SLC41A2: variants seen among roughly 807,000 people sequenced by gnomAD.
SLC41A2 encodes solute carrier family 41 member 2.
Under a neutral mutation model 58.3 loss-of-function variants are expected in SLC41A2, and 32 were observed. The ratio of observed to expected loss-of-function variants is 0.55; its 90% CI spans 0.41 to 0.74. The LOEUF is 0.74. Ranked by LOEUF, SLC41A2 falls within the 30% of genes least tolerant of loss-of-function variation. The probability of loss-of-function intolerance (pLI) is 0.00; values close to 1 mark genes in which losing one functional copy is unlikely to be tolerated. For synonymous variants in SLC41A2, 190 were observed against 235.0 expected (o/e 0.81, Z 1.75); for missense variants, 514 against 680.6 (o/e 0.76, Z 2.72).
At chr12:104,907,881 C>A (rs1264015685) in intron 3 of SLC41A2, among the ~76,000 whole-genome samples, 10 of 152,128 alleles carry the variant, frequency 6.6e-5, no homozygotes, top group Non-Finnish European at 1.2e-4. Context: ...CATTATTGTC[C>A]TCTGCAGATA....
intron 10 of SLC41A2, among the ~76,000 whole-genome samples, chr12:104,837,910 T>C (rs570859128): frequency 1.3e-5 from 2 of 152,274 alleles, no homozygotes; most frequent in Non-Finnish European, 2.9e-5. Context: ...AACCTGACTA[T>C]GGATACAAAA....
chr12:104,955,806 C>G (rs1286227041), intron 1 of SLC41A2, among the ~76,000 whole-genome samples: 1 of 150,572 alleles, frequency 6.6e-6, no homozygotes, highest in Non-Finnish European at 1.5e-5. Flanking sequence ...TGTGTGCGCT[C>G]GGAAATTAAC....
At chr12:104,867,957 T>C (rs2135534147) in intron 6 of SLC41A2, among the ~76,000 whole-genome samples, 1 of 152,036 alleles carries the variant, frequency 6.6e-6, no homozygotes, top group African/African-American at 2.4e-5. Context: ...GAATAAGCAA[T>C]TATTATAGAT....
intron 1 of SLC41A2, among the ~76,000 whole-genome samples, chr12:104,932,340 A>G (rs1283892730): frequency 6.6e-6 from 1 of 152,162 alleles, no homozygotes; most frequent in East Asian, 1.9e-4. Flanking sequence ...ATAAGGATAT[A>G]GTAGGCAGGG....
chr12:104,940,477 C>A (rs1358287062), intron 1 of SLC41A2, among the ~76,000 whole-genome samples: 1 of 148,404 alleles, frequency 6.7e-6, no homozygotes, highest in Non-Finnish European at 1.5e-5. Flanking sequence ...TGCACATGTA[C>A]CCTAAAATTT....
intron 10 of SLC41A2, among the ~76,000 whole-genome samples, chr12:104,840,252 T>C (rs1393341227): frequency 2.6e-5 from 4 of 152,132 alleles, no homozygotes; most frequent in Non-Finnish European, 4.4e-5. Flanking sequence ...AGCATCCGAG[T>C]AAGTAGATGT....
intron 10 of SLC41A2, among the ~76,000 whole-genome samples, chr12:104,833,513 C>T (rs1565824640): frequency 6.6e-6 from 1 of 152,116 alleles, no homozygotes; most frequent in Non-Finnish European, 1.5e-5. Context: ...AGTAAAAATT[C>T]AGCTTTGTCT....
chr12:104,896,644 G>T (rs941424711), intron 3 of SLC41A2, among the ~76,000 whole-genome samples: 1 of 152,092 alleles, frequency 6.6e-6, no homozygotes, highest in East Asian at 1.9e-4. Context: ...AAGACTCCAG[G>T]GTTGCTTAAT....
chr12:104,819,102 T>C (rs952050193), intron 10 of SLC41A2, among the ~76,000 whole-genome samples: 1 of 152,000 alleles, frequency 6.6e-6, no homozygotes, highest in Non-Finnish European at 1.5e-5. Context: ...GCATAGGTAA[T>C]ATTCATAAAA....
chr12:104,870,711 A>C lies in SLC41A2; in HGVS notation c.1028-4132T>G, dbSNP rs550055558. 3.3e-5 allele frequency among the ~76,000 whole-genome samples: 5 copies of C among 152,284 alleles called. No individual in the cohort carries two copies. In the East Asian group the frequency reaches 9.6e-4, roughly 29 times the overall value. ...TTTCACATTTTATATTGTTGACGGC[A>C]TTTCCCAACTGCTGTTATATCATTT... On this transcript the variant is annotated intron_variant, in intron 6 of 10. Transcript: ENST00000258538.
At chr12:104,930,204 G>GCACTGAGACGC (rs11270519) in intron 1 of SLC41A2, among the ~76,000 whole-genome samples, 25 of 151,772 alleles carry the variant, frequency 1.6e-4, no homozygotes, top group African/African-American at 6.0e-4. Flanking sequence ...CTGTGGACTT[G>GCACTGAGACGC]CAATGAGTAG....
intron 5 of SLC41A2, 87 bp downstream of exon 5, chr12:104,888,946 G>T (rs2044807811): frequency 1.6e-6 from 2 of 1,284,570 alleles, no homozygotes; most frequent in South Asian, 1.8e-5. Context: ...TTCATAACAG[G>T]TATCATTTAA....
chr12:104,877,164 T>A (rs892468095), intron 6 of SLC41A2, among the ~76,000 whole-genome samples: 5 of 152,206 alleles, frequency 3.3e-5, no homozygotes, highest in Admixed American at 3.3e-4. Context: ...AAACTTGAAC[T>A]ATAAGTTTAT....
At chr12:104,890,210 A>T (rs890810612) in intron 4 of SLC41A2, among the ~76,000 whole-genome samples, 8 of 152,142 alleles carry the variant, frequency 5.3e-5, no homozygotes, top group Non-Finnish European at 1.0e-4. Context: ...TCATATAGTA[A>T]ATCAACAGAA....
chr12:104,939,767 G>A (rs1026552490), intron 1 of SLC41A2, among the ~76,000 whole-genome samples: 1 of 152,060 alleles, frequency 6.6e-6, no homozygotes, highest in Non-Finnish European at 1.5e-5. Flanking sequence ...AAGTTTTAAT[G>A]CAATCTATTA....
intron 10 of SLC41A2, among the ~76,000 whole-genome samples, chr12:104,807,213 T>C (rs1477927967): frequency 6.6e-6 from 1 of 152,224 alleles, no homozygotes; most frequent in Non-Finnish European, 1.5e-5. Context: ...AACATTTAAG[T>C]CTTTAATCCA....
chr12:104,903,801 C>T (rs1157558861), intron 3 of SLC41A2, among the ~76,000 whole-genome samples: 1 of 152,198 alleles, frequency 6.6e-6, no homozygotes, highest in Non-Finnish European at 1.5e-5. Context: ...GCTGGCAGCT[C>T]TACCCCTACC....
At chr12:104,805,782 G>T (rs997168824) in intron 10 of SLC41A2, among the ~76,000 whole-genome samples, 1 of 152,098 alleles carries the variant, frequency 6.6e-6, no homozygotes, top group African/African-American at 2.4e-5. Flanking sequence ...TAATTATAAG[G>T]CCATTTTTGA....
At chr12:104,810,976 A>T (rs1452149231) in intron 10 of SLC41A2, among the ~76,000 whole-genome samples, 2 of 152,234 alleles carry the variant, frequency 1.3e-5, no homozygotes, top group African/African-American at 2.4e-5. Context: ...TACTTTGGAG[A>T]ACAATTTGGT....
Sources: gnomAD v4.1 joint callset for allele counts (sites outside exome capture counted in the v4.1 genomes callset) on GRCh38, gnomAD v4.1.1 for gene constraint, MANE v1.5 for transcripts, NCBI Gene and HGNC (gene_info 2026-07-23, HGNC 2026-07-21) for gene names.